Variants in CFAP69 observed in about 807,000 individuals in gnomAD.
CFAP69 encodes cilia and flagella associated protein 69.
A neutral mutation model predicts 123.0 loss-of-function variants in CFAP69; 92 were observed. The observed-to-expected ratio is 0.75, with a 90% CI of 0.63 to 0.89. The LOEUF (loss-of-function observed/expected upper bound fraction) is 0.89, where lower values mean the gene tolerates loss of function less well. Among genes scored for constraint, CFAP69 ranks in the 40% least tolerant of loss-of-function variants. The probability of loss-of-function intolerance (pLI) is 0.00; values close to 1 mark genes in which losing one functional copy is unlikely to be tolerated. For synonymous variants in CFAP69, 380 were observed against 364.3 expected (o/e 1.04, Z -0.49); for missense variants, 1,067 against 1,096.9 (o/e 0.97, Z 0.39).
chr7:90,279,964 T>C (rs1429445127), intron 12 of CFAP69, 71 bp downstream of exon 12: 1 of 1,135,580 alleles, frequency 8.8e-7, no homozygotes, highest in Non-Finnish European at 1.2e-6. Context: ...AGTATATGCA[T>C]AGAAATAACA....
chr7:90,248,492 G>A (rs991223783), intron 1 of CFAP69, among the ~76,000 whole-genome samples: 1 of 152,148 alleles, frequency 6.6e-6, no homozygotes, highest in Non-Finnish European at 1.5e-5. Flanking sequence ...TATTCACAGA[G>A]TATTAGATTT....
intron 22 of CFAP69, among the ~76,000 whole-genome samples, chr7:90,309,799 C>T (rs1794110468): frequency 6.6e-6 from 1 of 152,122 alleles, no homozygotes. Flanking sequence ...AGTGCTTCCC[C>T]TTTTCCTGGC....
intron 11 of CFAP69, 57 bp from the exon 12 acceptor site, chr7:90,279,620 G>T: frequency 2.0e-5 from 20 of 1,011,382 alleles, no homozygotes; most frequent in South Asian, 9.7e-5. Context: ...TTATTTAATT[G>T]CCTTAAAGTA....
intron 19 of CFAP69, among the ~76,000 whole-genome samples, chr7:90,305,861 G>A (rs983918602): frequency 6.6e-6 from 1 of 151,014 alleles, no homozygotes; most frequent in African/African-American, 2.4e-5. Flanking sequence ...GTCTTTTTAA[G>A]TTAACATTGT....
intron 13 of CFAP69, among the ~76,000 whole-genome samples, chr7:90,285,229 G>C (rs1790091865): frequency 6.6e-6 from 1 of 152,162 alleles, no homozygotes; most frequent in East Asian, 1.9e-4. Context: ...CCTCCAGCAG[G>C]CTCAGCTAGC....
chr7:90,253,035 A>G (rs922465281), intron 1 of CFAP69, among the ~76,000 whole-genome samples: 2 of 152,242 alleles, frequency 1.3e-5, no homozygotes, highest in Non-Finnish European at 2.9e-5. Context: ...AAATAAAAAT[A>G]GATGCATTTA....
In CFAP69 at chr7:90,273,980, T is replaced by C. The variant is rs776560830; in HGVS notation, c.861-7T>C. The stretch of plus-strand genomic sequence containing the variant: ...TATAGTTTTTAAAATATGATTTTAC[T>C]TTCTAGGGCTTTGAAGGAAGTATTT... On this transcript the variant is annotated splice_region_variant and splice_polypyrimidine_tract_variant and intron_variant, in intron 8 of 22. Coordinates refer to ENST00000389297, the MANE Select transcript of CFAP69 (RefSeq NM_001039706.3). 3 of 1,570,616 alleles carry C rather than the reference T, an allele frequency of 1.9e-6. No individual in the cohort carries two copies. The highest frequency in any genetic ancestry group is 2.6e-6 in the Non-Finnish European group (3 of 1,161,328).
chr7:90,313,269 C>G (rs17866023), downstream of CFAP69, among the ~76,000 whole-genome samples: 2,312 of 152,308 alleles, frequency 0.015, 77 homozygotes, highest in African/African-American at 0.053. Flanking sequence ...TGAGCAGGAT[C>G]AATGTAGTTC....
chr7:90,288,372 A>G lies in CFAP69; in HGVS notation c.1775+20A>G, dbSNP rs1198485032. 3 of 1,601,166 alleles carry G rather than the reference A, an allele frequency of 1.9e-6. No homozygotes were observed. In the African/African-American group the frequency reaches 4.0e-5, roughly 21 times the overall value. On this transcript the variant is annotated intron_variant, in intron 15 of 22. Coordinates refer to ENST00000389297, the MANE Select transcript of CFAP69 (RefSeq NM_001039706.3). ...CATTTGGTGAGTATTGCTATAATCA[A>G]ATTAGGTAGACTCACAGCAGTCATG...
At chr7:90,321,153 A>C in the CFAP69 span, 1 of 152,164 alleles carries the variant, frequency 6.6e-6, no homozygotes, top group African/African-American at 2.4e-5. Flanking sequence ...GCGCTGTGTC[A>C]CCCACCCCGA....
chr7:90,273,890 C>T (rs369150743), intron 8 of CFAP69, 97 bp from the exon 9 acceptor site: 5 of 943,580 alleles, frequency 5.3e-6, no homozygotes, highest in East Asian at 5.8e-5. Context: ...CTAAAACCAT[C>T]ACATTGGGGG....
intron 2 of CFAP69, among the ~76,000 whole-genome samples, chr7:90,256,274 AGG>A (rs1261304382): frequency 6.6e-6 from 1 of 152,188 alleles, no homozygotes; most frequent in African/African-American, 2.4e-5. Context: ...AAACTAACAC[AGG>A]AACAGAAATC....
At chr7:90,291,210 G>A (rs1316741128) in intron 15 of CFAP69, among the ~76,000 whole-genome samples, 1 of 152,118 alleles carries the variant, frequency 6.6e-6, no homozygotes, top group East Asian at 1.9e-4. Context: ...AGGGCTGCTG[G>A]TTTCCCATTT....
intron 15 of CFAP69, among the ~76,000 whole-genome samples, chr7:90,295,022 C>T (rs986412763): frequency 1.3e-5 from 2 of 152,132 alleles, no homozygotes; most frequent in African/African-American, 4.8e-5. Context: ...GCTTTTCAGT[C>T]GAGACGGGAT....
At chr7:90,256,299 G>A (rs1797641395) in intron 2 of CFAP69, among the ~76,000 whole-genome samples, 1 of 152,100 alleles carries the variant, frequency 6.6e-6, no homozygotes, top group Non-Finnish European at 1.5e-5. Context: ...AACACTGCAT[G>A]TTCTCACTGA....
At chr7:90,304,377 C>A in intron 18 of CFAP69, 2 of 1,216,570 alleles carry the variant, frequency 1.6e-6, no homozygotes. Flanking sequence ...GATGATTAAG[C>A]TTAAAATACT....
At chr7:90,311,280 G>A (rs1012393277), downstream of CFAP69, among the ~76,000 whole-genome samples, 10 of 152,116 alleles carry the variant, frequency 6.6e-5, no homozygotes, top group Non-Finnish European at 1.0e-4. Flanking sequence ...CAAAGGACAT[G>A]AGTTCATGTC....
At position 90,245,434 on chromosome 7, in the gene CFAP69, G is replaced by C. The variant is rs1441751737; in HGVS notation, c.10G>C (p.Glu4Gln). 6.4e-7 allele frequency: 1 copy of C among 1,560,202 alleles called. No individual in the cohort carries two copies. The highest frequency in any genetic ancestry group is 8.7e-7 in the Non-Finnish European group (1 of 1,154,992). MWT[E>Q]EAGATAEAQE... The stretch of plus-strand genomic sequence containing the variant: ...CCCGCCGCCACCGGCCATGTGGACA[G>C]AGGAAGCCGGGGCGACCGCCGAGGC... The change falls in exon 1 of 23, where the codon GAG becomes CAG. Residue 4 changes from glutamate to glutamine, a missense_variant. By Grantham distance (29) the Glu-to-Gln change is conservative. Transcript: ENST00000389297.
chr7:90,279,842 T>C lies in CFAP69; in HGVS notation c.1321T>C (p.Cys441Arg), dbSNP rs1363969948. The C allele has an allele frequency of 3.1e-6, 5 of 1,611,900 alleles. No individual in the cohort carries two copies. In the African/African-American group the frequency reaches 6.7e-5, roughly 22 times the overall value. ...TTTATTAATAGAAGAATACATGTCA[T>C]GCCAGGGAAATGCTCGAGTCCTTGC... ...APLLIEEYMS[C>R]QGNARVLAFL... Residue 441 changes from cysteine to arginine, a missense_variant, in exon 12 of 23, where the codon TGC (cysteine) becomes CGC (arginine). By Grantham distance (180) the Cys-to-Arg change is radical. Transcript: ENST00000389297.
Sources: gnomAD v4.1 joint callset for allele counts (sites outside exome capture counted in the v4.1 genomes callset) on GRCh38, gnomAD v4.1.1 for gene constraint, MANE v1.5 for transcripts, NCBI Gene and HGNC (gene_info 2026-07-23, HGNC 2026-07-21) for gene names.